YAP1: variants seen among roughly 807,000 people sequenced by gnomAD.
The protein encoded by YAP1 is transcriptional coactivator YAP1.
YAP1 carries 5 observed loss-of-function variants against 56.9 expected under a neutral mutation model. That is an observed-to-expected ratio of 0.09 (90% CI 0.05 to 0.18). The LOEUF (loss-of-function observed/expected upper bound fraction) is 0.18. Ranked by LOEUF, YAP1 falls within the 10% of genes least tolerant of loss-of-function variation. YAP1 has a pLI of 1.00. For synonymous variants in YAP1, 265 were observed against 248.1 expected, an observed-to-expected ratio of 1.07 and a Z score of -0.64; for missense variants, 539 against 651.8, an observed-to-expected ratio of 0.83 and a Z score of 1.88.
At chr11:102,154,944 T>C (rs1945856264) in intron 2 of YAP1, among the ~76,000 whole-genome samples, 1 of 152,190 alleles carries the variant, frequency 6.6e-6, no homozygotes, top group Admixed American at 6.5e-5. Flanking sequence ...TTTTATTTAC[T>C]TTAAAACTGG....
At chr11:102,228,692 G>A (rs1055517539) in intron 8 of YAP1, among the ~76,000 whole-genome samples, 2 of 127,182 alleles carry the variant, frequency 1.6e-5, no homozygotes, top group Admixed American at 8.1e-5. Flanking sequence ...CAGGAGCTAA[G>A]AAATACCTGC....
intron 2 of YAP1, among the ~76,000 whole-genome samples, chr11:102,120,994 G>C (rs1227853066): frequency 6.6e-6 from 1 of 152,054 alleles, no homozygotes; most frequent in African/African-American, 2.4e-5. Context: ...AGATGTGGGG[G>C]TTCTTTTGTT....
chr11:102,215,384 C>T (rs1591443687), intron 6 of YAP1, among the ~76,000 whole-genome samples: 1 of 152,190 alleles, frequency 6.6e-6, no homozygotes, highest in East Asian at 1.9e-4. Context: ...AAAAAAGACA[C>T]ACTTTTATAT....
chr11:102,219,457 T>C (rs1300009918), intron 6 of YAP1, among the ~76,000 whole-genome samples: 1 of 152,098 alleles, frequency 6.6e-6, no homozygotes, highest in Non-Finnish European at 1.5e-5. Flanking sequence ...GGTAGTGCCT[T>C]CACCAGGTCT....
At chr11:102,216,069 G>A (rs866778783) in intron 6 of YAP1, among the ~76,000 whole-genome samples, 14 of 152,118 alleles carry the variant, frequency 9.2e-5, no homozygotes, top group Admixed American at 1.3e-4. Flanking sequence ...TGGAAATTTC[G>A]GAAAGTATCC....
intron 2 of YAP1, among the ~76,000 whole-genome samples, chr11:102,125,040 A>G (rs1277111758): frequency 7.0e-6 from 1 of 141,910 alleles, no homozygotes; most frequent in Non-Finnish European, 1.5e-5. Context: ...GCCTAGCCAG[A>G]TTTTTTTTTT....
chr11:102,162,520 A>C lies in YAP1; in HGVS notation c.637A>C (p.Thr213Pro). Reference sequence around the variant, plus strand: ...GGCCATGCTGTCCCAGATGAACGTCACAGCCCCCACCAGTCCACCAGTGCA... The same window carrying C: ...GGCCATGCTGTCCCAGATGAACGTCCCAGCCCCCACCAGTCCACCAGTGCA... ...RKAMLSQMNV[T>P]APTSPPVQQN... Residue 213 changes from threonine to proline, a missense_variant, in exon 3 of 9, where the codon ACA (threonine) becomes CCA (proline). Coordinates refer to ENST00000282441, the MANE Select transcript of YAP1 (RefSeq NM_001130145.3). The C allele has an allele frequency of 6.2e-7, 1 of 1,614,234 alleles. No homozygotes were observed. Among genetic ancestry groups the C allele is most frequent in the Non-Finnish European group, 8.5e-7 (1 of 1,180,038 alleles).
intron 4 of YAP1, among the ~76,000 whole-genome samples, chr11:102,188,543 C>T (rs1277455334): frequency 6.6e-6 from 1 of 152,140 alleles, no homozygotes; most frequent in Non-Finnish European, 1.5e-5. Flanking sequence ...AGTCGTGGTC[C>T]TATATGATTC....
intron 2 of YAP1, among the ~76,000 whole-genome samples, chr11:102,160,293 G>A (rs1431295767): frequency 6.6e-6 from 1 of 152,134 alleles, no homozygotes; most frequent in Non-Finnish European, 1.5e-5. Context: ...AAAGAGCTGG[G>A]ATTACAGGCG....
At chr11:102,223,090 T>G (rs1260034734) in intron 6 of YAP1, among the ~76,000 whole-genome samples, 1 of 149,038 alleles carries the variant, frequency 6.7e-6, no homozygotes, top group Admixed American at 6.7e-5. Context: ...CTAAAAAAAA[T>G]ACAAAAAATT....
At chr11:102,191,025 T>C (rs1948249571) in intron 4 of YAP1, among the ~76,000 whole-genome samples, 1 of 151,698 alleles carries the variant, frequency 6.6e-6, no homozygotes, top group Admixed American at 6.6e-5. Context: ...AATACAAAAA[T>C]TAGCTGGGCT....
chr11:102,227,764 T>C (rs187064269), intron 8 of YAP1, among the ~76,000 whole-genome samples, 183 bp downstream of exon 8: 5 of 152,262 alleles, frequency 3.3e-5, no homozygotes, highest in Admixed American at 3.3e-4. Context: ...TTTCCTAGTT[T>C]AAAAAAATAT....
chr11:102,208,686 A>G (rs188941694), intron 5 of YAP1, among the ~76,000 whole-genome samples: 1 of 152,230 alleles, frequency 6.6e-6, no homozygotes, highest in African/African-American at 2.4e-5. Context: ...ATTGTTTTTC[A>G]TTTTGTTGTT....
At chr11:102,175,482 T>C (rs1947190911) in intron 3 of YAP1, among the ~76,000 whole-genome samples, 1 of 152,228 alleles carries the variant, frequency 6.6e-6, no homozygotes, top group Admixed American at 6.5e-5. Flanking sequence ...CATATTCGGC[T>C]TATCAAAGCC....
chr11:102,229,551 T>C, intron 8 of YAP1, 151 bp from the exon 9 acceptor site: 3 of 640,976 alleles, frequency 4.7e-6, no homozygotes, highest in Non-Finnish European at 8.0e-6. Flanking sequence ...TTGTTATCTG[T>C]GAGTTGTTTG....
intron 2 of YAP1, among the ~76,000 whole-genome samples, chr11:102,117,237 A>G (rs1943343242): frequency 6.6e-6 from 1 of 152,168 alleles, no homozygotes; most frequent in South Asian, 2.1e-4. Context: ...TTTGTAATCA[A>G]TATTTATATA....
intron 2 of YAP1, among the ~76,000 whole-genome samples, chr11:102,160,608 T>G (rs765811417): frequency 2.0e-5 from 3 of 152,202 alleles, no homozygotes; most frequent in Non-Finnish European, 2.9e-5. Flanking sequence ...AACCGTTTTT[T>G]ACTTTGAGAC....
At chr11:102,174,900 A>C (rs1166941808) in intron 3 of YAP1, among the ~76,000 whole-genome samples, 1 of 152,206 alleles carries the variant, frequency 6.6e-6, no homozygotes, top group Non-Finnish European at 1.5e-5. Context: ...GGTAAGTAGT[A>C]GTGCCAGAAT....
intron 2 of YAP1, among the ~76,000 whole-genome samples, chr11:102,129,894 C>T (rs61918360): frequency 0.41 from 61,886 of 150,594 alleles, 14,847 homozygotes; most frequent in Middle Eastern, 0.57. Flanking sequence ...CCTCCGCCTC[C>T]GCCTCCTGGG....
Sources: allele counts gnomAD v4.1 joint callset (sites outside exome capture counted in the v4.1 genomes callset), GRCh38; gene constraint gnomAD v4.1.1; transcripts MANE v1.5; gene names NCBI Gene and HGNC (gene_info 2026-07-23, HGNC 2026-07-21).